GLG1: variants seen among roughly 807,000 people sequenced by gnomAD.
The protein encoded by GLG1 is golgi glycoprotein 1.
A neutral mutation model predicts 160.5 loss-of-function variants in GLG1; 38 were observed. The ratio of observed to expected loss-of-function variants is 0.24; its 90% CI spans 0.18 to 0.31. The LOEUF is 0.31. Ranked by LOEUF, GLG1 falls within the 10% of genes least tolerant of loss-of-function variation. GLG1 has a pLI of 1.00. For synonymous variants in GLG1, 644 were observed against 543.4 expected (o/e 1.19, Z -2.57); for missense variants, 1,373 against 1,505.2 (o/e 0.91, Z 1.45).
intron 4 of GLG1, among the ~76,000 whole-genome samples, chr16:74,500,701 G>T (rs533139981): frequency 6.6e-6 from 1 of 151,878 alleles, no homozygotes; most frequent in Non-Finnish European, 1.5e-5. Flanking sequence ...TACAGCTACC[G>T]AGAGAAAAGC....
At chr16:74,526,319 G>A (rs893232757) in intron 2 of GLG1, among the ~76,000 whole-genome samples, 2 of 146,970 alleles carry the variant, frequency 1.4e-5, no homozygotes, top group Non-Finnish European at 1.5e-5. Flanking sequence ...TTCAGTATCA[G>A]TATGAAGACA....
At chr16:74,529,078 C>G (rs1048668420) in intron 2 of GLG1, among the ~76,000 whole-genome samples, 3 of 151,614 alleles carry the variant, frequency 2.0e-5, no homozygotes, top group African/African-American at 7.3e-5. Context: ...GCAATTCTCC[C>G]GCCTCAGTCT....
At position 74,493,122 on chromosome 16, in the gene GLG1, T is replaced by C. The variant is rs1345759794; in HGVS notation, c.1069A>G (p.Thr357Ala). Residue 357 changes from threonine to alanine, a missense_variant, in exon 7 of 26, where the codon ACC becomes GCC. Physicochemically the swap from Thr to Ala is moderately conservative, Grantham distance 58 (BLOSUM62 0). Coordinates refer to ENST00000422840, the MANE Select transcript of GLG1 (RefSeq NM_001145667.2). Reference protein sequence around the residue: ...MSEKCREALTTRQKLIAQDYK... With the variant: ...MSEKCREALTARQKLIAQDYK... Reference sequence around the variant, plus strand: ...TCCTGGGCAATCAGCTTTTGGCGGGTTGTAAGTGCTTCTCGACACTGAGGA... The same window carrying C: ...TCCTGGGCAATCAGCTTTTGGCGGGCTGTAAGTGCTTCTCGACACTGAGGA... 6.2e-7 allele frequency: 1 copy of C among 1,611,810 alleles called. No individual in the cohort carries two copies. Among genetic ancestry groups the C allele is most frequent in the Non-Finnish European group, 8.5e-7 (1 of 1,178,902 alleles).
intron 1 of GLG1, among the ~76,000 whole-genome samples, chr16:74,556,749 T>C (rs1425737455): frequency 2.0e-5 from 3 of 148,678 alleles, no homozygotes; most frequent in African/African-American, 7.3e-5. Flanking sequence ...CAAATATATA[T>C]ATTATAATAA....
intron 25 of GLG1, among the ~76,000 whole-genome samples, chr16:74,454,666 CAAAAAAAAAAAAAAA>C (rs58759187): frequency 8.3e-4 from 32 of 38,532 alleles, no homozygotes; most frequent in Non-Finnish European, 1.1e-3. Flanking sequence ...AATCCGTCCC[CAAAAAAAAAAAAAAA>C]AAAAAAAAAA....
chr16:74,463,043 C>T (rs552175233), intron 20 of GLG1: 1 of 441,604 alleles, frequency 2.3e-6, no homozygotes, highest in South Asian at 3.5e-5. Context: ...AATCAGATTA[C>T]CCGTACATTC....
chr16:74,581,526 G>T (rs8058437), intron 1 of GLG1, among the ~76,000 whole-genome samples: 106,819 of 145,726 alleles, frequency 0.73, 39,430 homozygotes, highest in African/African-American at 0.84. Flanking sequence ...GAGATTCAAT[G>T]TAAGATTTAA....
At chr16:74,522,745 G>A (rs1035213979) in intron 2 of GLG1, among the ~76,000 whole-genome samples, 5 of 152,104 alleles carry the variant, frequency 3.3e-5, no homozygotes, top group African/African-American at 9.7e-5. Context: ...GTGCAGTGGC[G>A]TGAACATGGC....
At chr16:74,476,107 G>A (rs938687146) in intron 12 of GLG1, among the ~76,000 whole-genome samples, 4 of 152,002 alleles carry the variant, frequency 2.6e-5, no homozygotes, top group Admixed American at 6.6e-5. Context: ...GCTTGAACCC[G>A]GGAGGCAGAG....
chr16:74,510,194 G>A (rs2016758960), intron 2 of GLG1, among the ~76,000 whole-genome samples: 1 of 151,748 alleles, frequency 6.6e-6, no homozygotes, highest in Non-Finnish European at 1.5e-5. Flanking sequence ...ACCATGCCTG[G>A]CTAATTTTGT....
At chr16:74,465,497 C>A (rs2014966361) in intron 19 of GLG1, among the ~76,000 whole-genome samples, 179 bp downstream of exon 19, 1 of 152,176 alleles carries the variant, frequency 6.6e-6, no homozygotes, top group African/African-American at 2.4e-5. Flanking sequence ...CCCAGAGTTT[C>A]TGATTCAGCA....
At chr16:74,553,469 G>GTTTTTT (rs537408696) in intron 1 of GLG1, among the ~76,000 whole-genome samples, 1 of 106,086 alleles carries the variant, frequency 9.4e-6, no homozygotes, top group African/African-American at 3.7e-5. Flanking sequence ...TTTTGTTTCG[G>GTTTTTT]TTTTTTTTTT....
intron 1 of GLG1, among the ~76,000 whole-genome samples, chr16:74,568,953 G>C (rs906569686): frequency 6.6e-6 from 1 of 152,200 alleles, no homozygotes; most frequent in African/African-American, 2.4e-5. Context: ...TGAAGGAAAA[G>C]GGGGTACATA....
At chr16:74,525,695 G>A (rs1056017141) in intron 2 of GLG1, among the ~76,000 whole-genome samples, 10 of 149,470 alleles carry the variant, frequency 6.7e-5, no homozygotes, top group African/African-American at 2.2e-4. Flanking sequence ...TCCATTGCCC[G>A]TTTTAAAATT....
At chr16:74,555,270 T>C (rs567404602) in intron 1 of GLG1, among the ~76,000 whole-genome samples, 2 of 152,316 alleles carry the variant, frequency 1.3e-5, no homozygotes, top group Admixed American at 6.5e-5. Context: ...TGGTCTGTCC[T>C]AGATTGACAG....
intron 1 of GLG1, among the ~76,000 whole-genome samples, chr16:74,553,349 A>G (rs1465514812): frequency 1.3e-5 from 2 of 152,070 alleles, no homozygotes. Flanking sequence ...GGTGCACACC[A>G]CCATGCTCGG....
rs568250091 is a variant in GLG1, at chr16:74,592,143, C to CTGAT, written c.438+14510_438+14513dup. The stretch of plus-strand genomic sequence containing the variant: ...TGCCTGGCCTTCTGTAATTTATTCA[C>CTGAT]TGATTGATTGATTGATTGAGATGGA... On this transcript the variant is annotated intron_variant, in intron 1 of 25. Coordinates refer to ENST00000422840, the MANE Select transcript of GLG1 (RefSeq NM_001145667.2). Among the ~76,000 whole-genome samples, 232 of 152,180 alleles carry CTGAT rather than the reference C, an allele frequency of 1.5e-3. 2 individuals carry two copies. Among genetic ancestry groups the CTGAT allele is most frequent in the South Asian group, 0.015 (73 of 4,818 alleles).
chr16:74,571,790 G>T (rs761657494), intron 1 of GLG1, among the ~76,000 whole-genome samples: 1 of 151,962 alleles, frequency 6.6e-6, no homozygotes, highest in Non-Finnish European at 1.5e-5. Context: ...CTGAAGCCTG[G>T]GTGACAGAGA....
rs1045479860 is a variant in GLG1 at position 74,449,614 on chromosome 16, GACTC to G, written c.*3549_*3552del. 1 of 152,192 alleles carries G rather than the reference GACTC, an allele frequency of 6.6e-6. No homozygotes were observed. The highest frequency in any genetic ancestry group is 1.5e-5 in the Non-Finnish European group (1 of 68,048). 9.4% of individuals were successfully genotyped at this position (152,192 alleles called of 1,614,324 possible). The stretch of plus-strand genomic sequence containing the variant: ...GCATCCCCACCCTGGCCAGCTGAGT[GACTC>G]ACTGTTCCCAAGAAGAGTAAGGACA... On this transcript the variant is annotated 3_prime_UTR_variant, in exon 26 of 26. Transcript: ENST00000422840.
Sources: gnomAD v4.1 joint callset for allele counts (sites outside exome capture counted in the v4.1 genomes callset) on GRCh38, gnomAD v4.1.1 for gene constraint, MANE v1.5 for transcripts, NCBI Gene and HGNC (gene_info 2026-07-23, HGNC 2026-07-21) for gene names.